MACROD2: variants seen among roughly 807,000 people sequenced by gnomAD.
The protein encoded by MACROD2 is mono-ADP ribosylhydrolase 2.
Under a neutral mutation model 70.4 loss-of-function variants are expected in MACROD2, and 36 were observed. The ratio of observed to expected loss-of-function variants is 0.51; its 90% CI spans 0.39 to 0.68. The LOEUF is 0.68. MACROD2 is among the 30% of genes least tolerant of loss of function. MACROD2 has a pLI of 0.00. For missense variants in MACROD2, 496 were observed against 538.4 expected, an observed-to-expected ratio of 0.92 and a Z score of 0.78; for synonymous variants, 172 against 178.8, an observed-to-expected ratio of 0.96 and a Z score of 0.30.
chr20:14,689,025 G>A (rs780715425), intron 5 of MACROD2, among the ~76,000 whole-genome samples: 1 of 151,966 alleles, frequency 6.6e-6, no homozygotes, highest in African/African-American at 2.4e-5. Flanking sequence ...TGCTCTACAT[G>A]ATGTGACCTT....
At chr20:15,350,623 T>C (rs1325615391) in intron 6 of MACROD2, among the ~76,000 whole-genome samples, 1 of 152,234 alleles carries the variant, frequency 6.6e-6, no homozygotes, top group African/African-American at 2.4e-5. Flanking sequence ...TTCATCAAAA[T>C]ACTGTGAACT....
At chr20:14,951,447 A>G (rs189795247) in intron 5 of MACROD2, among the ~76,000 whole-genome samples, 80 of 152,256 alleles carry the variant, frequency 5.3e-4, no homozygotes, top group African/African-American at 1.8e-3. Flanking sequence ...TCTATTGAGA[A>G]GTATTCTGAG....
At chr20:14,782,013 T>C (rs1166690600) in intron 5 of MACROD2, among the ~76,000 whole-genome samples, 2 of 151,880 alleles carry the variant, frequency 1.3e-5, no homozygotes, top group South Asian at 2.1e-4. Flanking sequence ...AACCTCCGCC[T>C]CCCGGGTTCA....
chr20:15,911,680 G>A (rs948164486), intron 10 of MACROD2, among the ~76,000 whole-genome samples: 4 of 152,132 alleles, frequency 2.6e-5, no homozygotes, highest in Admixed American at 2.6e-4. Context: ...AAAACACCAG[G>A]GGAGGAAATA....
At chr20:15,599,053 G>A (rs1211217131) in intron 8 of MACROD2, among the ~76,000 whole-genome samples, 1 of 152,088 alleles carries the variant, frequency 6.6e-6, no homozygotes, top group African/African-American at 2.4e-5. Context: ...TTTGGCATAC[G>A]TTGTCTGATA....
chr20:14,919,983 C>A lies in MACROD2; in HGVS notation c.418+235024C>A, dbSNP rs532216879. 2.6e-5 allele frequency among the ~76,000 whole-genome samples: 4 copies of A among 152,314 alleles called. No homozygotes were observed. In the East Asian group the frequency reaches 7.7e-4, roughly 29 times the overall value. On this transcript the variant is annotated intron_variant, in intron 5 of 17. Coordinates refer to ENST00000684519, the MANE Select transcript of MACROD2 (RefSeq NM_001351661.2). ...AGCCTGCTGAATCTAGCTCCTCCCA[C>A]CCTGCCCCCAGCAGGTGAGCACACC...
At chr20:14,343,563 T>C (rs1358228635) in intron 3 of MACROD2, among the ~76,000 whole-genome samples, 1 of 152,188 alleles carries the variant, frequency 6.6e-6, no homozygotes, top group Non-Finnish European at 1.5e-5. Context: ...AAAGAAACAA[T>C]TCACTAATGT....
chr20:14,564,168 A>G (rs1372552891), intron 4 of MACROD2, among the ~76,000 whole-genome samples: 1 of 151,908 alleles, frequency 6.6e-6, no homozygotes, highest in Non-Finnish European at 1.5e-5. Flanking sequence ...CTGGACCCCT[A>G]TCTTGTACTG....
At chr20:14,475,826 T>C (rs2084586516) in intron 3 of MACROD2, among the ~76,000 whole-genome samples, 1 of 152,108 alleles carries the variant, frequency 6.6e-6, no homozygotes, top group Admixed American at 6.5e-5. Context: ...ATCTTCTCTT[T>C]GTTTTCAACC....
At chr20:14,619,570 G>A (rs1409462404) in intron 4 of MACROD2, among the ~76,000 whole-genome samples, 1 of 149,200 alleles carries the variant, frequency 6.7e-6, no homozygotes, top group Non-Finnish European at 1.5e-5. Context: ...GGAGGGGAAG[G>A]GAGGGAAAAG....
At chr20:15,706,498 G>A (rs147465063) in intron 8 of MACROD2, among the ~76,000 whole-genome samples, 61 of 152,244 alleles carry the variant, frequency 4.0e-4, no homozygotes, top group African/African-American at 1.4e-3. Flanking sequence ...CAAGTGAACA[G>A]GCACAAAGTC....
At chr20:14,184,762 C>A (rs1030887620) in intron 3 of MACROD2, among the ~76,000 whole-genome samples, 12 of 151,998 alleles carry the variant, frequency 7.9e-5, no homozygotes, top group Non-Finnish European at 1.0e-4. Flanking sequence ...AGCTGTACTC[C>A]TAGGTATTTT....
intron 3 of MACROD2, among the ~76,000 whole-genome samples, chr20:14,374,819 A>G (rs1169156815): frequency 6.6e-6 from 1 of 152,166 alleles, no homozygotes; most frequent in Non-Finnish European, 1.5e-5. Context: ...ATGACAGTGG[A>G]CCGAAAAAAA....
intron 8 of MACROD2, among the ~76,000 whole-genome samples, chr20:15,668,286 G>T (rs972155580): frequency 2.8e-5 from 4 of 144,920 alleles, no homozygotes; most frequent in Non-Finnish European, 6.1e-5. Flanking sequence ...AAAAAATGCT[G>T]GGCACGGTGG....
At chr20:15,084,505 T>C (rs921528243) in intron 5 of MACROD2, among the ~76,000 whole-genome samples, 1 of 152,156 alleles carries the variant, frequency 6.6e-6, no homozygotes, top group Admixed American at 6.6e-5. Context: ...TATTTTTATT[T>C]TGTAAGCCAC....
chr20:14,125,372 C>A (rs940948946), intron 3 of MACROD2, among the ~76,000 whole-genome samples: 2 of 152,172 alleles, frequency 1.3e-5, no homozygotes, highest in Admixed American at 6.5e-5. Flanking sequence ...AAAATCTTGA[C>A]AGCCACTTGC....
intron 6 of MACROD2, among the ~76,000 whole-genome samples, chr20:15,378,026 A>G (rs565398601): frequency 5.3e-5 from 8 of 152,116 alleles, no homozygotes; most frequent in Non-Finnish European, 1.0e-4. Flanking sequence ...TAGCATTAGG[A>G]GAAACATCTA....
chr20:15,218,883 A>G (rs2076833531), intron 5 of MACROD2, among the ~76,000 whole-genome samples: 1 of 152,152 alleles, frequency 6.6e-6, no homozygotes, highest in Non-Finnish European at 1.5e-5. Context: ...TGTCTCTACT[A>G]AAAATACAAA....
At chr20:14,236,247 A>C (rs2122220581) in intron 3 of MACROD2, among the ~76,000 whole-genome samples, 1 of 152,284 alleles carries the variant, frequency 6.6e-6, no homozygotes, top group African/African-American at 2.4e-5. Flanking sequence ...GGAGTGGTTA[A>C]AAATGAAACA....
Sources: allele counts gnomAD v4.1 joint callset (sites outside exome capture counted in the v4.1 genomes callset), GRCh38; gene constraint gnomAD v4.1.1; transcripts MANE v1.5; gene names NCBI Gene and HGNC (gene_info 2026-07-23, HGNC 2026-07-21).